Variants in PCDHA6 observed in about 807,000 individuals in gnomAD.
PCDHA6 encodes the protein protocadherin alpha-6.
A neutral mutation model predicts 60.3 loss-of-function variants in PCDHA6; 55 were observed. The ratio of observed to expected loss-of-function variants is 0.91; its 90% CI spans 0.73 to 1.14. The LOEUF (loss-of-function observed/expected upper bound fraction) is 1.14, where lower values mean the gene tolerates loss of function less well. Ranked by LOEUF, PCDHA6 falls within the 50% of genes most tolerant of loss-of-function variation. The pLI is 0.00. For missense variants in PCDHA6, 1,327 were observed against 1,256.5 expected, an observed-to-expected ratio of 1.06 and a Z score of -0.85; for synonymous variants, 652 against 557.9, an observed-to-expected ratio of 1.17 and a Z score of -2.38.
chr5:140,858,857 T>C, intron 1 of PCDHA6: 1 of 267,758 alleles, frequency 3.7e-6, no homozygotes, highest in South Asian at 4.6e-5. Flanking sequence ...CTATATCTCT[T>C]CAGTGAAAAT....
intron 1 of PCDHA6, chr5:140,930,019 T>G (rs1454076883): frequency 6.6e-6 from 1 of 152,222 alleles, no homozygotes; most frequent in Non-Finnish European, 1.5e-5. Context: ...GATAGCTCCA[T>G]AGCAGTGTTT....
chr5:140,829,736 G>C lies in PCDHA6; in HGVS notation c.1645G>C (p.Val549Leu), dbSNP rs2150173634. The C allele has an allele frequency of 6.2e-7, 1 of 1,613,682 alleles. No individual in the cohort carries two copies. The highest frequency in any genetic ancestry group is 8.5e-7 in the Non-Finnish European group (1 of 1,179,886). The part of the protein sequence containing the change: ...DAGVPPLGSN[V>L]TLQVFVLDEN... The stretch of plus-strand genomic sequence containing the variant: ...GGGCGTGCCGCCTCTGGGCAGCAAC[G>C]TGACGCTGCAGGTGTTCGTGCTGGA... The change falls in exon 1 of 4, where the codon GTG (valine) becomes CTG (leucine). Residue 549 changes from valine (V) to leucine (L), a missense_variant. Val to Leu is a conservative substitution (Grantham distance 32). Coordinates refer to ENST00000529310, the MANE Select transcript of PCDHA6 (RefSeq NM_018909.4).
At chr5:140,884,538 G>A (rs781889228) in intron 1 of PCDHA6, 21 of 1,613,994 alleles carry the variant, frequency 1.3e-5, no homozygotes, top group Non-Finnish European at 1.8e-5. Context: ...AGGCGGCCGA[G>A]GGTGTGCTCT....
At chr5:140,848,407 A>G in intron 1 of PCDHA6, 1 of 1,347,562 alleles carries the variant, frequency 7.4e-7, no homozygotes, top group Non-Finnish European at 1.0e-6. Flanking sequence ...AACGATGGCG[A>G]ACACAGCAGA....
chr5:140,881,510 A>G (rs2058738971), intron 1 of PCDHA6: 1 of 210,204 alleles, frequency 4.8e-6, no homozygotes, highest in Non-Finnish European at 8.3e-6. Context: ...ACACTCACAT[A>G]CAAAATCCCA....
At chr5:140,888,695 A>G (rs1161003821) in intron 1 of PCDHA6, among the ~76,000 whole-genome samples, 3 of 152,094 alleles carry the variant, frequency 2.0e-5, no homozygotes, top group African/African-American at 7.2e-5. Flanking sequence ...CTCTTCTCTG[A>G]TTGGTAGGAA....
chr5:140,929,046 C>T, intron 1 of PCDHA6: 3 of 1,614,206 alleles, frequency 1.9e-6, no homozygotes, highest in Non-Finnish European at 2.5e-6. Context: ...CTCAGAGCTG[C>T]TGTCGCTCTA....
At chr5:140,883,390 G>T (rs373348994) in intron 1 of PCDHA6, 4 of 1,614,050 alleles carry the variant, frequency 2.5e-6, no homozygotes, top group East Asian at 4.5e-5. Context: ...TAATCAGTGT[G>T]TCCGATCGTG....
rs2150371932 is a variant in PCDHA6 at position 140,844,548 on chromosome 5, G to A, written c.2394+14063G>A. Among the ~76,000 whole-genome samples, 6 of 149,134 alleles carry A rather than the reference G, an allele frequency of 4.0e-5. 1 individual carries two copies. Among genetic ancestry groups the A allele is most frequent in the Non-Finnish European group, 7.5e-5 (5 of 66,700 alleles). ...TCTAATCATTCAACCCTTTGTTCAT[G>A]AGTTGGAATATTTTCAATAATATTC... On this transcript the variant is annotated intron_variant, in intron 1 of 3. Transcript: ENST00000529310.
At chr5:140,871,376 G>C in intron 1 of PCDHA6, 1 of 1,614,196 alleles carries the variant, frequency 6.2e-7, no homozygotes, top group Non-Finnish European at 8.5e-7. Flanking sequence ...CAGAGGGTGT[G>C]CTCTGAGGAG....
intron 1 of PCDHA6, chr5:140,969,265 A>T: frequency 1.9e-6 from 3 of 1,614,250 alleles, no homozygotes; most frequent in Non-Finnish European, 2.5e-6. Flanking sequence ...GGAATCTCAC[A>T]GGCCAAAGTG....
chr5:140,928,399 T>C (rs1554205848), intron 1 of PCDHA6: 1 of 1,613,926 alleles, frequency 6.2e-7, no homozygotes, highest in African/African-American at 1.3e-5. Flanking sequence ...AGTGGAATCA[T>C]CCAGTGGGGC....
chr5:140,830,300 C>T lies in PCDHA6; in HGVS notation c.2209C>T (p.Pro737Ser). 1 of 1,613,888 alleles carries T rather than the reference C, an allele frequency of 6.2e-7. No individual in the cohort carries two copies. The highest frequency in any genetic ancestry group is 8.5e-7 in the Non-Finnish European group (1 of 1,179,886). Residue 737 changes from proline to serine, a missense_variant, in exon 1 of 4, where the codon CCC (proline) becomes TCC (serine). Transcript: ENST00000529310. ...CGAGGGCGCGTGCACGGCGGACAAG[C>T]CCACGCTGGTGTGCTCCAGCGCAGT... Reference protein sequence around the residue: ...PTEGACTADKPTLVCSSAVGS... With the variant: ...PTEGACTADKSTLVCSSAVGS...
In PCDHA6 at chr5:140,972,940, A is replaced by G. The variant is rs148421479; in HGVS notation, c.2395-6009A>G. The stretch of plus-strand genomic sequence containing the variant: ...GCCTCCCAAAGTGCTGGGATTACAG[A>G]TGTGAGCCACCATGCCCGGCAAAGG... On this transcript the variant is annotated intron_variant, in intron 1 of 3. Coordinates refer to ENST00000529310, the MANE Select transcript of PCDHA6 (RefSeq NM_018909.4). Among the ~76,000 whole-genome samples the G allele has an allele frequency of 9.4e-3, 1,423 of 152,078 alleles. 26 individuals are homozygous for G. The highest frequency in any genetic ancestry group is 0.032 in the African/African-American group (1,334 of 41,472).
Position 140,828,687 on chromosome 5 carries a change from C to A in PCDHA6, c.596C>A (p.Ser199Tyr). ...NKQIGLLLKK[S>Y]LDREEAPAHN... Reference sequence around the variant, plus strand: ...CAAATTGGGCTCTTATTAAAGAAATCCTTGGACAGAGAGGAAGCTCCTGCA... The same window carrying A: ...CAAATTGGGCTCTTATTAAAGAAATACTTGGACAGAGAGGAAGCTCCTGCA... The change falls in exon 1 of 4, where the codon TCC (serine) becomes TAC (tyrosine). Residue 199 changes from serine (S) to tyrosine (Y), a missense_variant. Coordinates refer to ENST00000529310, the MANE Select transcript of PCDHA6 (RefSeq NM_018909.4). 6.2e-7 allele frequency: 1 copy of A among 1,614,206 alleles called. No homozygotes were observed. Among genetic ancestry groups the A allele is most frequent in the Non-Finnish European group, 8.5e-7 (1 of 1,180,042 alleles).
chr5:140,884,472 G>A (rs1382253304), intron 1 of PCDHA6: 2 of 1,613,830 alleles, frequency 1.2e-6, no homozygotes, highest in Non-Finnish European at 1.7e-6. Flanking sequence ...TGCGCGCCGG[G>A]CAAGCCCACT....
chr5:140,989,633 A>AGG (rs2097351730), intron 3 of PCDHA6, among the ~76,000 whole-genome samples: 1 of 152,226 alleles, frequency 6.6e-6, no homozygotes. Flanking sequence ...AGTGACAGCA[A>AGG]GGGTCTTTCA....
intron 1 of PCDHA6, chr5:140,869,067 G>T (rs1220928735): frequency 6.4e-7 from 1 of 1,570,438 alleles, no homozygotes; most frequent in Non-Finnish European, 8.6e-7. Flanking sequence ...TACTGTAAGT[G>T]TAAAGAAGCT....
intron 3 of PCDHA6, among the ~76,000 whole-genome samples, chr5:141,007,672 A>G (rs782403242): frequency 6.6e-6 from 1 of 152,194 alleles, no homozygotes; most frequent in African/African-American, 2.4e-5. Context: ...TACAAAGACA[A>G]AAGTTATCCT....
Sources: allele counts gnomAD v4.1 joint callset (sites outside exome capture counted in the v4.1 genomes callset), GRCh38; gene constraint gnomAD v4.1.1; transcripts MANE v1.5; gene names NCBI Gene and HGNC (gene_info 2026-07-23, HGNC 2026-07-21).